Variants in MYO16 observed in about 807,000 individuals in gnomAD.
MYO16 encodes the protein unconventional myosin-XVI.
Under a neutral mutation model 205.3 loss-of-function variants are expected in MYO16, and 94 were observed. The ratio of observed to expected loss-of-function variants is 0.46; its 90% CI spans 0.39 to 0.54. MYO16 has a LOEUF of 0.54. MYO16 is among the 20% of genes least tolerant of loss of function. The pLI, the probability that MYO16 is intolerant of heterozygous loss-of-function variation, is 0.00. For synonymous variants in MYO16, 988 were observed against 954.0 expected, an observed-to-expected ratio of 1.04 and a Z score of -0.66; for missense variants, 2,315 against 2,387.5, an observed-to-expected ratio of 0.97 and a Z score of 0.63.
At chr13:108,658,459 T>TGTGC (rs200414713) in intron 1 of MYO16, among the ~76,000 whole-genome samples, 2 of 150,634 alleles carry the variant, frequency 1.3e-5, no homozygotes, top group South Asian at 2.1e-4. Context: ...TGTGTGTGTG[T>TGTGC]TTTCTAAATT....
At chr13:109,200,686 T>TC (rs1279581602) in intron 34 of MYO16, among the ~76,000 whole-genome samples, 6 of 151,300 alleles carry the variant, frequency 4.0e-5, no homozygotes, top group Non-Finnish European at 7.4e-5. Context: ...TCTGGGACTT[T>TC]TTTTTTTTTT....
chr13:109,175,627 T>C (rs1448465135), intron 33 of MYO16, among the ~76,000 whole-genome samples: 3 of 152,144 alleles, frequency 2.0e-5, no homozygotes, highest in Non-Finnish European at 4.4e-5. Context: ...CTGGAAAGAA[T>C]GTGTTCAGCA....
chr13:109,149,714 C>T (rs1043146735), intron 32 of MYO16, among the ~76,000 whole-genome samples: 6 of 152,130 alleles, frequency 3.9e-5, no homozygotes, highest in African/African-American at 1.4e-4. Flanking sequence ...TCGTGTGCCC[C>T]CTGCCTTCTC....
chr13:109,117,438 GTATATATATGTATA>G (rs1027107258), intron 28 of MYO16, among the ~76,000 whole-genome samples: 1,790 of 141,306 alleles, frequency 0.013, 42 homozygotes, highest in African/African-American at 0.043. Context: ...GTATATATAT[GTATATATATGTATA>G]TATATGTATG....
At chr13:108,707,600 G>C (rs1233335047) in intron 2 of MYO16, among the ~76,000 whole-genome samples, 2 of 152,158 alleles carry the variant, frequency 1.3e-5, no homozygotes, top group African/African-American at 4.8e-5. Flanking sequence ...TGAGAATACT[G>C]TGTGTCCTGA....
chr13:109,206,397 T>A (rs1421089535), intron 34 of MYO16, among the ~76,000 whole-genome samples: 1 of 152,184 alleles, frequency 6.6e-6, no homozygotes, highest in Non-Finnish European at 1.5e-5. Flanking sequence ...TAGTTCCCAA[T>A]GTTTTGTTGC....
intron 23 of MYO16, among the ~76,000 whole-genome samples, chr13:109,022,584 T>C (rs1886101276): frequency 7.3e-6 from 1 of 136,476 alleles, no homozygotes; most frequent in African/African-American, 2.6e-5. Flanking sequence ...AACATATGTA[T>C]ATATTTCTAT....
chr13:108,724,164 T>C (rs569572463), intron 3 of MYO16, among the ~76,000 whole-genome samples: 341 of 152,360 alleles, frequency 2.2e-3, no homozygotes, highest in African/African-American at 7.7e-3. Context: ...CTTGTATCTT[T>C]CAAATTTGCT....
chr13:109,120,534 C>T (rs949179991), intron 29 of MYO16, 68 bp downstream of exon 29: 1 of 1,235,912 alleles, frequency 8.1e-7, no homozygotes, highest in African/African-American at 1.5e-5. Context: ...TTAGTGCATC[C>T]CCAAGTTTAA....
intron 1 of MYO16, among the ~76,000 whole-genome samples, chr13:108,646,685 A>C (rs11839708): frequency 0.18 from 27,724 of 152,094 alleles, 3,864 homozygotes; most frequent in African/African-American, 0.38. Flanking sequence ...ATATAGGTAT[A>C]TTTAGGCCAT....
upstream of MYO16, among the ~76,000 whole-genome samples, chr13:108,592,784 C>T (rs1481140154): frequency 6.6e-6 from 1 of 150,664 alleles, no homozygotes; most frequent in Non-Finnish European, 1.5e-5. Flanking sequence ...CATTCATTCT[C>T]TCTTAGAAGC....
chr13:108,774,992 A>G (rs567061109), intron 4 of MYO16, among the ~76,000 whole-genome samples: 5 of 152,316 alleles, frequency 3.3e-5, no homozygotes, highest in South Asian at 2.1e-4. Context: ...TGCTAATGCT[A>G]TTGTTCCTGT....
intron 14 of MYO16, 93 bp from the exon 15 acceptor site, chr13:108,897,923 C>T: frequency 9.9e-7 from 1 of 1,010,914 alleles, no homozygotes; most frequent in Non-Finnish European, 1.5e-6. Flanking sequence ...ACTTTCAGAC[C>T]AAGAAGTATT....
intron 20 of MYO16, among the ~76,000 whole-genome samples, chr13:108,973,816 T>C (rs1884145299): frequency 6.6e-6 from 1 of 152,146 alleles, no homozygotes; most frequent in East Asian, 1.9e-4. Context: ...TAACAAGCAA[T>C]TTAATATTCT....
At chr13:108,801,437 C>T (rs1229611414) in intron 6 of MYO16, among the ~76,000 whole-genome samples, 1 of 152,188 alleles carries the variant, frequency 6.6e-6, no homozygotes, top group Non-Finnish European at 1.5e-5. Flanking sequence ...ATTTTAGAAT[C>T]AGGATGTATC....
intron 21 of MYO16, among the ~76,000 whole-genome samples, chr13:108,995,267 T>C (rs1884964982): frequency 6.6e-6 from 1 of 151,982 alleles, no homozygotes; most frequent in African/African-American, 2.4e-5. Context: ...TCAAGGCAGC[T>C]CTCTGGGGCT....
At chr13:108,536,900 CA>C in the MYO16 span, among the ~76,000 whole-genome samples, 1 of 152,066 alleles carries the variant, frequency 6.6e-6, no homozygotes, top group African/African-American at 2.4e-5. Flanking sequence ...ACCTTAAGTC[CA>C]TCATCACAAA....
intron 4 of MYO16, among the ~76,000 whole-genome samples, chr13:108,777,157 C>T (rs1429413872): frequency 2.0e-5 from 3 of 151,966 alleles, no homozygotes; most frequent in Non-Finnish European, 4.4e-5. Context: ...TGCCCTAGGC[C>T]GTAAAGTTCA....
rs565791569 is a variant in MYO16 at position 108,642,663 on chromosome 13, T to C, written c.28+12791T>C. The stretch of plus-strand genomic sequence containing the variant: ...AAACTCCTGACCTCAGGTGATCTGC[T>C]CGCCTAGGCCTCCCAAAGTGCTGGG... On this transcript the variant is annotated intron_variant, in intron 1 of 34. Coordinates refer to ENST00000457511, the MANE Select transcript of MYO16 (RefSeq NM_001198950.3). 1.4e-4 allele frequency among the ~76,000 whole-genome samples: 22 copies of C among 152,080 alleles called. No homozygotes were observed. In the South Asian group the frequency reaches 3.3e-3, roughly 23 times the overall value.
Sources: gnomAD v4.1 joint callset for allele counts (sites outside exome capture counted in the v4.1 genomes callset) on GRCh38, gnomAD v4.1.1 for gene constraint, MANE v1.5 for transcripts, NCBI Gene and HGNC (gene_info 2026-07-23, HGNC 2026-07-21) for gene names.